Variants in YAP1 observed in about 807,000 individuals in gnomAD.
YAP1 encodes the protein transcriptional coactivator YAP1.
YAP1 carries 5 observed loss-of-function variants against 56.9 expected under a neutral mutation model. The ratio of observed to expected loss-of-function variants is 0.09; its 90% CI spans 0.05 to 0.18. YAP1 has a LOEUF of 0.18. Among genes scored for constraint, YAP1 ranks in the 10% least tolerant of loss-of-function variants. The pLI, the probability that YAP1 is intolerant of heterozygous loss-of-function variation, is 1.00. For synonymous variants in YAP1, 265 were observed against 248.1 expected, an observed-to-expected ratio of 1.07 and a Z score of -0.64; for missense variants, 539 against 651.8, an observed-to-expected ratio of 0.83 and a Z score of 1.88.
At chr11:102,227,645 C>T in intron 8 of YAP1, 64 bp downstream of exon 8, 6 of 1,098,430 alleles carry the variant, frequency 5.5e-6, no homozygotes, top group African/African-American at 3.1e-5. Flanking sequence ...CACCAGGTCT[C>T]ATAAGGTATT....
In YAP1 at chr11:102,114,835, G is replaced by A. The variant is rs1328056711; in HGVS notation, c.572+441G>A. Reference sequence around the variant, plus strand: ...TTATTGGTAGAGAACTACAAAATAAGTAGGGCTTTTGGGGGAGTCTAATTT... The same window carrying A: ...TTATTGGTAGAGAACTACAAAATAAATAGGGCTTTTGGGGGAGTCTAATTT... On this transcript the variant is annotated intron_variant, in intron 2 of 8. Transcript: ENST00000282441. Among the ~76,000 whole-genome samples the A allele has an allele frequency of 4.6e-5, 7 of 152,266 alleles. No homozygotes were observed. The East Asian group carries it at 1.4e-3, about 29-fold the overall frequency.
At chr11:102,150,802 GT>G (rs370378973) in intron 2 of YAP1, among the ~76,000 whole-genome samples, 72 of 108,062 alleles carry the variant, frequency 6.7e-4, no homozygotes, top group South Asian at 3.1e-3. Context: ...CATACAAATG[GT>G]TTTTTTTTTT....
At chr11:102,176,304 T>A (rs940073391) in intron 3 of YAP1, among the ~76,000 whole-genome samples, 5 of 152,184 alleles carry the variant, frequency 3.3e-5, no homozygotes, top group Non-Finnish European at 5.9e-5. Flanking sequence ...TAGCTTATAG[T>A]TAAACTCAGT....
chr11:102,147,128 C>T (rs1180840924), intron 2 of YAP1, among the ~76,000 whole-genome samples: 1 of 152,168 alleles, frequency 6.6e-6, no homozygotes, highest in South Asian at 2.1e-4. Context: ...ATAAGTGGCA[C>T]ACTTAGGATT....
chr11:102,116,359 C>T (rs1330567712), intron 2 of YAP1, among the ~76,000 whole-genome samples: 1 of 152,030 alleles, frequency 6.6e-6, no homozygotes, highest in African/African-American at 2.4e-5. Flanking sequence ...TATGAAAGAC[C>T]AGAGCCTCTG....
intron 2 of YAP1, among the ~76,000 whole-genome samples, chr11:102,158,099 G>A (rs1309572691): frequency 6.6e-6 from 1 of 152,104 alleles, no homozygotes; most frequent in African/African-American, 2.4e-5. Context: ...AGGTACAAAC[G>A]ATTTAAGATT....
intron 5 of YAP1, 26 bp downstream of exon 5, chr11:102,206,100 C>T: frequency 6.3e-7 from 1 of 1,590,596 alleles, no homozygotes; most frequent in Middle Eastern, 1.7e-4. Flanking sequence ...AGAAACCAGC[C>T]TTCCACTTTT....
chr11:102,170,015 T>C (rs1432986029), intron 3 of YAP1, among the ~76,000 whole-genome samples: 1 of 152,268 alleles, frequency 6.6e-6, no homozygotes, highest in Non-Finnish European at 1.5e-5. Flanking sequence ...AATTATTGTA[T>C]CTACTCTAGT....
chr11:102,213,501 A>C lies in YAP1; in HGVS notation c.1032+3937A>C, dbSNP rs11225164. Reference sequence around the variant, plus strand: ...ACTCCGTCTTGAAAAAAAGAAAAAGAATTTGGTTCTTAATATCTGGGGTTC... The same window carrying C: ...ACTCCGTCTTGAAAAAAAGAAAAAGCATTTGGTTCTTAATATCTGGGGTTC... On this transcript the variant is annotated intron_variant, in intron 6 of 8. Transcript: ENST00000282441. Among the ~76,000 whole-genome samples, 94 of 152,108 alleles carry C rather than the reference A, an allele frequency of 6.2e-4. No homozygotes were observed. In the East Asian group the frequency reaches 9.7e-3, roughly 16 times the overall value.
intron 2 of YAP1, among the ~76,000 whole-genome samples, chr11:102,160,302 C>T (rs1220860024): frequency 4.6e-5 from 7 of 152,132 alleles, no homozygotes; most frequent in East Asian, 1.9e-4. Flanking sequence ...GGATTACAGG[C>T]GTGAGCCACT....
chr11:102,147,959 T>C (rs1945417328), intron 2 of YAP1, among the ~76,000 whole-genome samples: 1 of 152,198 alleles, frequency 6.6e-6, no homozygotes, highest in South Asian at 2.1e-4. Context: ...ACTATGTAGA[T>C]TTTAGAAATT....
At chr11:102,193,609 C>T (rs1340709016) in intron 4 of YAP1, among the ~76,000 whole-genome samples, 1 of 152,084 alleles carries the variant, frequency 6.6e-6, no homozygotes, top group Non-Finnish European at 1.5e-5. Flanking sequence ...TCTACTTGAT[C>T]AGTATTTCAT....
intron 2 of YAP1, among the ~76,000 whole-genome samples, chr11:102,141,662 C>G (rs1346499580): frequency 6.6e-6 from 1 of 152,112 alleles, no homozygotes; most frequent in African/African-American, 2.4e-5. Context: ...GTTGACTTTG[C>G]TTTATCTGTC....
chr11:102,170,204 A>T (rs73582037), intron 3 of YAP1, among the ~76,000 whole-genome samples: 1,620 of 152,248 alleles, frequency 0.011, 35 homozygotes, highest in African/African-American at 0.037. Context: ...AATCACTCTG[A>T]TGTTGTTTAA....
chr11:102,141,550 T>TG (rs1294997619), intron 2 of YAP1, among the ~76,000 whole-genome samples: 20 of 152,346 alleles, frequency 1.3e-4, no homozygotes, highest in Admixed American at 9.1e-4. Context: ...AAGAGAGACT[T>TG]ACTTCTGTGT....
intron 2 of YAP1, among the ~76,000 whole-genome samples, chr11:102,142,522 CTTCAG>C (rs1945081619): frequency 6.6e-6 from 1 of 152,232 alleles, no homozygotes; most frequent in Non-Finnish European, 1.5e-5. Context: ...AAAGGGCCGT[CTTCAG>C]CCTTCTGAGG....
intron 2 of YAP1, among the ~76,000 whole-genome samples, chr11:102,145,906 C>G (rs557174286): frequency 6.6e-6 from 1 of 152,252 alleles, no homozygotes; most frequent in Admixed American, 6.5e-5. Context: ...GTCTTGAAGT[C>G]TTTCAGGACA....
chr11:102,139,321 A>C (rs1944868598), intron 2 of YAP1, among the ~76,000 whole-genome samples: 1 of 151,972 alleles, frequency 6.6e-6, no homozygotes, highest in Non-Finnish European at 1.5e-5. Context: ...AAGAGCAGCT[A>C]TTTATGGAGC....
chr11:102,165,566 GGA>G (rs1451337143), intron 3 of YAP1, among the ~76,000 whole-genome samples: 2 of 152,080 alleles, frequency 1.3e-5, no homozygotes, highest in Non-Finnish European at 2.9e-5. Flanking sequence ...AGGGTTGTGA[GGA>G]GAGAGTTGGA....
Sources: gnomAD v4.1 joint callset for allele counts (sites outside exome capture counted in the v4.1 genomes callset) on GRCh38, gnomAD v4.1.1 for gene constraint, MANE v1.5 for transcripts, NCBI Gene and HGNC (gene_info 2026-07-23, HGNC 2026-07-21) for gene names.